Variants in STARD13 observed in about 807,000 individuals in gnomAD.
STARD13 encodes stAR-related lipid transfer protein 13.
STARD13 carries 62 observed loss-of-function variants against 106.4 expected under a neutral mutation model. That is an observed-to-expected ratio of 0.58 (90% CI 0.48 to 0.72). STARD13 has a LOEUF of 0.72. Among genes scored for constraint, STARD13 ranks in the 30% least tolerant of loss-of-function variants. STARD13 has a pLI of 0.00. For missense variants in STARD13, 1,387 were observed against 1,424.0 expected (o/e 0.97, Z 0.42); for synonymous variants, 565 against 553.0 (o/e 1.02, Z -0.31).
At chr13:33,141,934 A>C (rs749782405) in intron 4 of STARD13, among the ~76,000 whole-genome samples, 4 of 152,222 alleles carry the variant, frequency 2.6e-5, no homozygotes, top group Non-Finnish European at 5.9e-5. Flanking sequence ...TTTCAGTCTT[A>C]GTTTATAATA....
chr13:33,614,270 C>CGT, the STARD13 span, among the ~76,000 whole-genome samples: 1,896 of 145,246 alleles, frequency 0.013, 16 homozygotes, highest in African/African-American at 0.018. Context: ...ATACATTCTC[C>CGT]GTGTGTGTGT....
chr13:33,453,887 G>A, the STARD13 span, among the ~76,000 whole-genome samples: 1 of 152,206 alleles, frequency 6.6e-6, no homozygotes, highest in Non-Finnish European at 1.5e-5. Context: ...GTGCTGATGA[G>A]TAGTGAAGAG....
At chr13:33,231,658 AAACT>A (rs1416890123) in intron 1 of STARD13, among the ~76,000 whole-genome samples, 3 of 152,142 alleles carry the variant, frequency 2.0e-5, no homozygotes, top group African/African-American at 7.2e-5. Context: ...ACATCTTAGA[AAACT>A]AACTGTTAAA....
chr13:33,185,937 T>C (rs1885721887), intron 1 of STARD13: 13 of 1,614,066 alleles, frequency 8.1e-6, no homozygotes, highest in Non-Finnish European at 1.1e-5. Context: ...GACAGTGTCT[T>C]TGCATTCTCT....
At chr13:33,292,417 C>G (rs1892328900) in intron 1 of STARD13, among the ~76,000 whole-genome samples, 1 of 149,822 alleles carries the variant, frequency 6.7e-6, no homozygotes, top group Non-Finnish European at 1.5e-5. Flanking sequence ...ATGGCAAAAA[C>G]CCATCTCTAC....
At chr13:33,586,951 C>T in the STARD13 span, among the ~76,000 whole-genome samples, 3 of 152,142 alleles carry the variant, frequency 2.0e-5, no homozygotes, top group African/African-American at 4.8e-5. Flanking sequence ...CGGTGGCTCA[C>T]GCCTGTAATC....
At chr13:33,476,754 T>A in the STARD13 span, among the ~76,000 whole-genome samples, 1 of 152,238 alleles carries the variant, frequency 6.6e-6, no homozygotes, top group Non-Finnish European at 1.5e-5. Flanking sequence ...ATTTGTGACA[T>A]ATTAGCTATT....
chr13:33,558,613 A>G, the STARD13 span, among the ~76,000 whole-genome samples: 1 of 152,162 alleles, frequency 6.6e-6, no homozygotes, highest in Non-Finnish European at 1.5e-5. Flanking sequence ...GAAAGGAATT[A>G]CTAAGTTTTC....
the STARD13 span, among the ~76,000 whole-genome samples, chr13:33,415,274 A>G: frequency 6.6e-6 from 1 of 152,164 alleles, no homozygotes; most frequent in Non-Finnish European, 1.5e-5. Flanking sequence ...TGGCTGAGGC[A>G]GGAGAATGGC....
At chr13:33,549,855 A>G in the STARD13 span, among the ~76,000 whole-genome samples, 2 of 152,304 alleles carry the variant, frequency 1.3e-5, no homozygotes, top group Admixed American at 6.5e-5. Flanking sequence ...ATCACTGAAC[A>G]TAGTTATAGC....
rs564830891 is a variant in STARD13, at chr13:33,156,133, G to A, written c.323+9204C>T. On this transcript the variant is annotated intron_variant, in intron 3 of 13. Transcript: ENST00000336934. ...CCTATCACGCAGCTAACGCCATGGC[G>A]GTTCTGGATTAACAATACTTAGTCA... is the stretch of plus-strand genomic sequence containing the variant. Among the ~76,000 whole-genome samples, 20 of 152,308 alleles carry A rather than the reference G, an allele frequency of 1.3e-4. 1 individual carries two copies. Among genetic ancestry groups the A allele is most frequent in the African/African-American group, 3.1e-4 (13 of 41,574 alleles).
the STARD13 span, among the ~76,000 whole-genome samples, chr13:33,462,182 G>A: frequency 6.6e-6 from 1 of 152,072 alleles, no homozygotes; most frequent in Non-Finnish European, 1.5e-5. Flanking sequence ...CTGTCTTCCT[G>A]GGAATGAAGT....
At chr13:33,152,416 C>CAA (rs34146261) in intron 3 of STARD13, among the ~76,000 whole-genome samples, 15,297 of 138,046 alleles carry the variant, frequency 0.11, 973 homozygotes, top group East Asian at 0.25. Context: ...TTCAGTCATA[C>CAA]AAAAAAAAAA....
At chr13:33,237,320 C>T (rs1422733444) in intron 1 of STARD13, among the ~76,000 whole-genome samples, 3 of 152,194 alleles carry the variant, frequency 2.0e-5, no homozygotes, top group African/African-American at 4.8e-5. Flanking sequence ...TCCTTGGCCT[C>T]ACTTTCAATC....
the STARD13 span, among the ~76,000 whole-genome samples, chr13:33,425,028 T>A: frequency 6.6e-6 from 1 of 152,204 alleles, no homozygotes; most frequent in Non-Finnish European, 1.5e-5. Flanking sequence ...CTGATTTTGA[T>A]GTGAATGTTG....
At chr13:33,537,714 G>GGAAAA in the STARD13 span, among the ~76,000 whole-genome samples, 1 of 151,986 alleles carries the variant, frequency 6.6e-6, no homozygotes, top group African/African-American at 2.4e-5. Flanking sequence ...AAACCAACAA[G>GGAAAA]GAAAAGAAAA....
the STARD13 span, among the ~76,000 whole-genome samples, chr13:33,524,719 T>G: frequency 2.0e-5 from 3 of 152,066 alleles, no homozygotes; most frequent in East Asian, 3.9e-4. Flanking sequence ...AATCTTTTAT[T>G]TTTTAATTGA....
At chr13:33,458,889 G>C in the STARD13 span, among the ~76,000 whole-genome samples, 10 of 143,380 alleles carry the variant, frequency 7.0e-5, no homozygotes, top group African/African-American at 2.6e-4. Flanking sequence ...GGTGCAATCT[G>C]GGCTTACTGC....
chr13:33,479,949 T>G, the STARD13 span, among the ~76,000 whole-genome samples: 1 of 152,220 alleles, frequency 6.6e-6, no homozygotes, highest in East Asian at 1.9e-4. Flanking sequence ...TATAGCTGCC[T>G]GTGGAACCAT....
Sources: gnomAD v4.1 joint callset for allele counts (sites outside exome capture counted in the v4.1 genomes callset) on GRCh38, gnomAD v4.1.1 for gene constraint, MANE v1.5 for transcripts, NCBI Gene and HGNC (gene_info 2026-07-23, HGNC 2026-07-21) for gene names.